UPF1: variants seen among roughly 807,000 people sequenced by gnomAD.
UPF1 encodes regulator of nonsense transcripts 1.
A neutral mutation model predicts 129.2 loss-of-function variants in UPF1; 9 were observed. The ratio of observed to expected loss-of-function variants is 0.07; its 90% CI spans 0.04 to 0.12. The LOEUF is 0.12. Ranked by LOEUF, UPF1 falls within the 10% of genes least tolerant of loss-of-function variation. The pLI is 1.00. For missense variants in UPF1, 788 were observed against 1,525.3 expected (o/e 0.52, Z 8.05); for synonymous variants, 649 against 644.9 (o/e 1.01, Z -0.10).
At chr19:18,863,693 G>A (rs992036235) in intron 19 of UPF1, 81 bp downstream of exon 19, 38 of 1,486,080 alleles carry the variant, frequency 2.6e-5, no homozygotes, top group African/African-American at 1.1e-4. Flanking sequence ...AGCTTGGCCC[G>A]TGTGCCCGTG....
At chr19:18,854,839 C>T (rs753594851) in intron 9 of UPF1, 40 bp from the exon 10 acceptor site, 4 of 1,611,002 alleles carry the variant, frequency 2.5e-6, no homozygotes, top group Non-Finnish European at 3.4e-6. Flanking sequence ...GAGAGGCGGC[C>T]ACAGCTGTGC....
intron 15 of UPF1, 118 bp downstream of exon 15, chr19:18,857,651 C>A: frequency 8.3e-7 from 1 of 1,203,826 alleles, no homozygotes; most frequent in Non-Finnish European, 1.1e-6. Flanking sequence ...ATAGCCACTG[C>A]TTGAGGTCAG....
At chr19:18,845,904 G>A (rs2055591395) in intron 1 of UPF1, 76 bp from the exon 2 acceptor site, 1 of 1,549,168 alleles carries the variant, frequency 6.5e-7, no homozygotes, top group Non-Finnish European at 8.7e-7. Flanking sequence ...TCACACCAGA[G>A]TCATCGAGGC....
intron 3 of UPF1, among the ~76,000 whole-genome samples, chr19:18,848,780 G>A (rs2055626917): frequency 6.6e-6 from 1 of 152,224 alleles, no homozygotes; most frequent in Non-Finnish European, 1.5e-5. Context: ...AGATTTTAAA[G>A]AAGGGTATCT....
intron 3 of UPF1, chr19:18,848,463 C>G (rs897133243): frequency 6.5e-6 from 1 of 153,382 alleles, no homozygotes; most frequent in Non-Finnish European, 1.5e-5. Flanking sequence ...GCTCCCCTTC[C>G]CCTCCAGGTT....
Position 18,850,258 on chromosome 19 carries a change from A to G in UPF1, c.629+16A>G. On this transcript the variant is annotated intron_variant, in intron 4 of 23. Transcript: ENST00000262803. This position sits in a 1 kb window ranked among gnomAD's most constrained non-coding sequence, Gnocchi z 7.1. ...TGCTGTGCAGGTGAGTGGTCCCCAG[A>G]TGTCTCCTGGGGGTGACCTTTAAGC... is the stretch of plus-strand genomic sequence containing the variant. 1 of 1,585,880 alleles carries G rather than the reference A, an allele frequency of 6.3e-7. No individual in the cohort carries two copies. The highest frequency in any genetic ancestry group is 1.2e-5 in the South Asian group (1 of 86,906).
At chr19:18,855,286 T>TA (rs1241956887) in intron 11 of UPF1, 44 bp downstream of exon 11, 1 of 1,591,736 alleles carries the variant, frequency 6.3e-7, no homozygotes, top group Non-Finnish European at 8.5e-7. Flanking sequence ...GGGAGGGCTT[T>TA]AGGGTGGCCA....
intron 1 of UPF1, among the ~76,000 whole-genome samples, chr19:18,834,928 T>A (rs1272545876): frequency 6.6e-6 from 1 of 152,222 alleles, no homozygotes; most frequent in Non-Finnish European, 1.5e-5. Context: ...TCACTTTTGC[T>A]TAGCGGCTTT....
intron 1 of UPF1, 129 bp from the exon 2 acceptor site, chr19:18,845,851 A>C: frequency 7.3e-7 from 1 of 1,363,170 alleles, no homozygotes. Flanking sequence ...AAATCCAGTC[A>C]GAACAAGGGA....
At chr19:18,864,756 TGG>T (rs1489832086) in intron 20 of UPF1, among the ~76,000 whole-genome samples, 2 of 148,188 alleles carry the variant, frequency 1.3e-5, no homozygotes, top group East Asian at 4.0e-4. Flanking sequence ...TTTTTTTTTT[TGG>T]AGACCGAGTC....
intron 10 of UPF1, 26 bp from the exon 11 acceptor site, chr19:18,855,098 G>T: frequency 6.2e-7 from 1 of 1,613,560 alleles, no homozygotes; most frequent in Non-Finnish European, 8.5e-7. Context: ...AGCGGAGGCT[G>T]CCCCTAACGG....
intron 20 of UPF1, among the ~76,000 whole-genome samples, chr19:18,864,928 G>A (rs900788301): frequency 2.6e-5 from 4 of 151,682 alleles, no homozygotes; most frequent in Non-Finnish European, 4.4e-5. Flanking sequence ...TAGTAGAAAC[G>A]AGGTTTCGCC....
Position 18,863,433 on chromosome 19 carries a change from T to TG in UPF1, c.2601-4dup. ...TGCGTCCTCAGCACTGCGCCCTTGTTGCAGGTATGGCGTCATCATTGTGGG... is the reference window on the plus strand; with the variant it reads ...TGCGTCCTCAGCACTGCGCCCTTGTTGGCAGGTATGGCGTCATCATTGTGGG... On this transcript the variant is annotated splice_region_variant and splice_polypyrimidine_tract_variant and intron_variant, in intron 18 of 23. Transcript: ENST00000262803. 6.2e-7 allele frequency: 1 copy of TG among 1,611,150 alleles called. No individual in the cohort carries two copies. The highest frequency in any genetic ancestry group is 8.5e-7 in the Non-Finnish European group (1 of 1,177,586).
chr19:18,861,965 G>T, intron 17 of UPF1, 45 bp from the exon 18 acceptor site: 1 of 1,606,252 alleles, frequency 6.2e-7, no homozygotes, highest in South Asian at 1.1e-5. Context: ...GGGGGACTGG[G>T]AAGGCAGCCT....
chr19:18,849,830 A>G (rs2055639267), intron 3 of UPF1: 2 of 522,114 alleles, frequency 3.8e-6, no homozygotes, highest in Non-Finnish European at 3.4e-6. Context: ...TAAAAAAGGC[A>G]GGAACTATGT....
rs1018106003 is a variant in UPF1, at chr19:18,853,406, T to C, written c.1156+56T>C. 220 of 1,504,318 alleles carry C rather than the reference T, an allele frequency of 1.5e-4. 1 individual carries two copies. Among genetic ancestry groups the C allele is most frequent in the Middle Eastern group, 7.6e-4 (4 of 5,234 alleles). The allele number at this position is 1,504,318 out of a possible 1,614,324, so 93.2% of individuals were successfully genotyped here. A position where few individuals can be genotyped will look rare whatever the true frequency, so the allele number is the denominator to read the frequency against. On this transcript the variant is annotated intron_variant, in intron 8 of 23. Transcript: ENST00000262803. The surrounding 1 kb of genome is among the most constrained non-coding windows in gnomAD (Gnocchi z 4.4). ...CTGGTGGGAGAGGAAAGTGGGGGCA[T>C]CAGGTGGAGGCCACTGTGGATTTGA...
rs1290519072 is a variant in UPF1, at chr19:18,856,274, C to T, written c.1798C>T (p.Arg600Cys). Residue 600 changes from arginine (R) to cysteine (C), a missense_variant, in exon 13 of 24, where the codon CGC becomes TGC. Arg to Cys is a radical substitution (Grantham distance 180). Transcript: ENST00000262803. ...CGAGAAGCGGTACCGGGCCTTGAAG[C>T]GCACCGCAGAGAGAGAGCTGCTGAT... ...ADEKRYRALKRTAERELLMNA... is the reference protein window; with the variant it reads ...ADEKRYRALKCTAERELLMNA... 5 of 1,601,050 alleles carry T rather than the reference C, an allele frequency of 3.1e-6. No individual in the cohort carries two copies. Among genetic ancestry groups the T allele is most frequent in the East Asian group, 2.3e-5 (1 of 44,410 alleles).
chr19:18,855,464 G>A, intron 11 of UPF1: 1 of 608,912 alleles, frequency 1.6e-6, no homozygotes, highest in South Asian at 2.0e-5. Context: ...TAGAAAACTG[G>A]GGGCAGGGGG....
At chr19:18,845,795 C>T (rs1028852355) in intron 1 of UPF1, among the ~76,000 whole-genome samples, 185 bp from the exon 2 acceptor site, 2 of 152,128 alleles carry the variant, frequency 1.3e-5, no homozygotes, top group South Asian at 4.1e-4. Flanking sequence ...TGTAGAAGGC[C>T]ACCAGTGGCC....
Sources: allele counts gnomAD v4.1 joint callset (sites outside exome capture counted in the v4.1 genomes callset), GRCh38; gene constraint gnomAD v4.1.1; non-coding constraint Gnocchi (gnomAD v3.1); transcripts MANE v1.5; gene names NCBI Gene and HGNC (gene_info 2026-07-23, HGNC 2026-07-21).